Variants in CDH12 observed in about 807,000 individuals in gnomAD.
The protein encoded by CDH12 is cadherin 12, also known as cadherin-12.
A neutral mutation model predicts 74.1 loss-of-function variants in CDH12; 41 were observed. The ratio of observed to expected loss-of-function variants is 0.55; its 90% CI spans 0.43 to 0.72. The LOEUF is 0.72. CDH12 is among the 30% of genes least tolerant of loss of function. The pLI is 0.00. For synonymous variants in CDH12, 399 were observed against 355.0 expected, an observed-to-expected ratio of 1.12 and a Z score of -1.39; for missense variants, 945 against 977.2, an observed-to-expected ratio of 0.97 and a Z score of 0.44.
At position 22,529,184 on chromosome 5, in the gene CDH12, T is replaced by TAGAG. The variant is rs1291298025; in HGVS notation, c.-522-23821_-522-23820insCTCT. Among the ~76,000 whole-genome samples the TAGAG allele has an allele frequency of 4.2e-3, 349 of 83,574 alleles. 1 individual carries two copies. Among genetic ancestry groups the TAGAG allele is most frequent in the Non-Finnish European group, 7.4e-3 (295 of 39,976 alleles). The allele number at this position is 83,574 out of a possible 152,430, so 54.8% of individuals were successfully genotyped here. A position where few individuals can be genotyped will look rare whatever the true frequency, so the allele number is the denominator to read the frequency against. ...ACATGTGTATATATATATATATATA[T>TAGAG]ATATAGAGAGAGAGAGAGAGAGAGA... On this transcript the variant is annotated intron_variant, in intron 1 of 14. Transcript: ENST00000382254.
chr5:22,238,113 G>C (rs1023153482), intron 3 of CDH12, among the ~76,000 whole-genome samples: 4 of 152,184 alleles, frequency 2.6e-5, no homozygotes, highest in African/African-American at 9.7e-5. Context: ...TCCTGAAGGA[G>C]CTTCAAGAAC....
chr5:21,751,227 T>C lies in CDH12; in HGVS notation c.*510A>G, dbSNP rs1744028221. 6.6e-6 allele frequency: 1 copy of C among 151,150 alleles called. No homozygotes were observed. The highest frequency in any genetic ancestry group is 2.1e-4 in the South Asian group (1 of 4,756). 9.4% of individuals were successfully genotyped at this position (151,150 alleles called of 1,614,324 possible). A position where few individuals can be genotyped will look rare whatever the true frequency, so the allele number is the denominator to read the frequency against. ...AAAAGGAATGAGGAGAGTCAGAGTG[T>C]CGCTATTGCTTCTTGACATAAAGAC... On this transcript the variant is annotated 3_prime_UTR_variant, in exon 15 of 15. Coordinates refer to ENST00000382254, the MANE Select transcript of CDH12 (RefSeq NM_004061.5).
intron 12 of CDH12, among the ~76,000 whole-genome samples, chr5:21,763,296 G>A (rs1311534101): frequency 1.3e-5 from 2 of 152,082 alleles, no homozygotes; most frequent in Non-Finnish European, 2.9e-5. Context: ...ACCACAAATT[G>A]AGCACTTGAA....
chr5:22,596,264 C>T (rs1051050888), intron 1 of CDH12, among the ~76,000 whole-genome samples: 1 of 151,432 alleles, frequency 6.6e-6, no homozygotes, highest in African/African-American at 2.4e-5. Flanking sequence ...ATGAGGAAAC[C>T]CCATCTCTAC....
At chr5:22,552,779 G>A (rs114151810) in intron 1 of CDH12, among the ~76,000 whole-genome samples, 956 of 152,044 alleles carry the variant, frequency 6.3e-3, no homozygotes, top group Non-Finnish European at 0.01. Context: ...AGTTTTCATC[G>A]ATCACATTGT....
At chr5:22,197,123 CA>C (rs1321697896) in intron 4 of CDH12, among the ~76,000 whole-genome samples, 1 of 152,104 alleles carries the variant, frequency 6.6e-6, no homozygotes, top group Non-Finnish European at 1.5e-5. Flanking sequence ...ATTTCTAACA[CA>C]GGGGCCTTCA....
At chr5:22,162,962 T>C (rs1390960003) in intron 4 of CDH12, among the ~76,000 whole-genome samples, 1 of 148,728 alleles carries the variant, frequency 6.7e-6, no homozygotes, top group South Asian at 2.2e-4. Context: ...AGTGGCGCGA[T>C]CTCTGCTCAC....
intron 2 of CDH12, among the ~76,000 whole-genome samples, chr5:22,443,843 T>G (rs570681532): frequency 6.6e-6 from 1 of 152,118 alleles, no homozygotes; most frequent in South Asian, 2.1e-4. Context: ...TTACAACATA[T>G]ATTGTATGCA....
At chr5:22,606,429 G>A (rs751149660) in intron 1 of CDH12, among the ~76,000 whole-genome samples, 6 of 152,110 alleles carry the variant, frequency 3.9e-5, no homozygotes, top group Admixed American at 2.0e-4. Context: ...ACATGTCAAG[G>A]GGATTATCCT....
chr5:22,227,739 T>C (rs1284626295), intron 3 of CDH12, among the ~76,000 whole-genome samples: 3 of 152,136 alleles, frequency 2.0e-5, no homozygotes, highest in African/African-American at 4.8e-5. Context: ...AGTCCTCCAG[T>C]TGCCTGCATT....
At chr5:22,672,112 TAA>T (rs1740932947) in intron 1 of CDH12, among the ~76,000 whole-genome samples, 1 of 53,296 alleles carries the variant, frequency 1.9e-5, no homozygotes, top group Admixed American at 2.5e-4. Flanking sequence ...TTATTATATA[TAA>T]ATATATATTA....
At chr5:22,721,445 G>A (rs1743880662) in intron 1 of CDH12, among the ~76,000 whole-genome samples, 1 of 152,212 alleles carries the variant, frequency 6.6e-6, no homozygotes, top group South Asian at 2.1e-4. Context: ...CTTAATGCCT[G>A]TACCCTCATT....
In CDH12 at chr5:21,869,459, A is replaced by G. The variant is rs77520113; in HGVS notation, c.527-14669T>C. 6.3e-3 allele frequency among the ~76,000 whole-genome samples: 956 copies of G among 152,316 alleles called. 15 individuals carry two copies. The highest frequency in any genetic ancestry group is 0.022 in the African/African-American group (902 of 41,574). On this transcript the variant is annotated intron_variant, in intron 6 of 14. Coordinates refer to ENST00000382254, the MANE Select transcript of CDH12 (RefSeq NM_004061.5). ...CTAGTTGTAGAAATGAAGACTAATTATCATAAGTATTTTTTCTATATTTTT... is the reference window on the plus strand; with the variant it reads ...CTAGTTGTAGAAATGAAGACTAATTGTCATAAGTATTTTTTCTATATTTTT...
At chr5:22,540,738 T>A (rs994389752) in intron 1 of CDH12, among the ~76,000 whole-genome samples, 10 of 152,170 alleles carry the variant, frequency 6.6e-5, no homozygotes, top group African/African-American at 2.4e-4. Context: ...AGCCCCTGCA[T>A]CTGTTCACCC....
At position 21,809,532 on chromosome 5, in the gene CDH12, T is replaced by C. The variant is rs77093481; in HGVS notation, c.1003-7112A>G. On this transcript the variant is annotated intron_variant, in intron 9 of 14. Coordinates refer to ENST00000382254, the MANE Select transcript of CDH12 (RefSeq NM_004061.5). ...ATATACTATGATTTACAGCAAGCTG[T>C]GTGACTTTGAAAAATTATCTTCCTT... is the stretch of plus-strand genomic sequence containing the variant. Among the ~76,000 whole-genome samples the C allele has an allele frequency of 3.3e-5, 5 of 152,302 alleles. No homozygotes were observed. The East Asian group carries it at 9.6e-4, about 29-fold the overall frequency.
intron 1 of CDH12, among the ~76,000 whole-genome samples, chr5:22,656,572 A>C (rs1740046850): frequency 6.6e-6 from 1 of 152,204 alleles, no homozygotes; most frequent in African/African-American, 2.4e-5. Context: ...GAACAAATTG[A>C]TAGTGGATAT....
chr5:22,575,595 C>T (rs949858405), intron 1 of CDH12, among the ~76,000 whole-genome samples: 6 of 151,988 alleles, frequency 3.9e-5, no homozygotes, highest in African/African-American at 9.7e-5. Flanking sequence ...GACAGAGTCT[C>T]GCTCTATCTC....
chr5:21,825,749 G>A (rs1046428314), intron 8 of CDH12, among the ~76,000 whole-genome samples: 1 of 152,100 alleles, frequency 6.6e-6, no homozygotes, highest in Admixed American at 6.6e-5. Context: ...AACACTCTTG[G>A]CTATTCCCTG....
chr5:21,886,496 GAACAA>G (rs1752637801), intron 6 of CDH12, among the ~76,000 whole-genome samples: 1 of 145,154 alleles, frequency 6.9e-6, no homozygotes, highest in Non-Finnish European at 1.5e-5. Flanking sequence ...TAAAGAAATA[GAACAA>G]AACCTCAAAG....
Sources: allele counts gnomAD v4.1 joint callset (sites outside exome capture counted in the v4.1 genomes callset), GRCh38; gene constraint gnomAD v4.1.1; transcripts MANE v1.5; gene names NCBI Gene and HGNC (gene_info 2026-07-23, HGNC 2026-07-21).